TAOK3: variants seen among roughly 807,000 people sequenced by gnomAD.
The protein encoded by TAOK3 is serine/threonine-protein kinase TAO3.
A neutral mutation model predicts 120.4 loss-of-function variants in TAOK3; 40 were observed. The observed-to-expected ratio is 0.33, with a 90% CI of 0.26 to 0.43. The LOEUF (loss-of-function observed/expected upper bound fraction) is 0.43, where lower values mean the gene tolerates loss of function less well. Among genes scored for constraint, TAOK3 ranks in the 20% least tolerant of loss-of-function variants. The probability of loss-of-function intolerance (pLI) is 1.00; values close to 1 mark genes in which losing one functional copy is unlikely to be tolerated. For synonymous variants in TAOK3, 355 were observed against 387.5 expected (o/e 0.92, Z 0.99); for missense variants, 821 against 1,112.1 (o/e 0.74, Z 3.72).
intron 1 of TAOK3, among the ~76,000 whole-genome samples, chr12:118,321,663 A>T (rs1242948069): frequency 2.0e-5 from 3 of 152,198 alleles, no homozygotes; most frequent in African/African-American, 7.2e-5. Flanking sequence ...AGACATTTCA[A>T]AAAAAGAGAA....
At chr12:118,261,210 T>C (rs2041214508) in intron 2 of TAOK3, among the ~76,000 whole-genome samples, 1 of 152,112 alleles carries the variant, frequency 6.6e-6, no homozygotes, top group African/African-American at 2.4e-5. Context: ...CTACTGTATG[T>C]CTAAGTGGAG....
At chr12:118,174,540 A>C (rs538199997) in intron 16 of TAOK3, among the ~76,000 whole-genome samples, 21 of 152,302 alleles carry the variant, frequency 1.4e-4, no homozygotes, top group African/African-American at 5.1e-4. Context: ...GGTAGAGTTC[A>C]TGAAATTTCC....
At chr12:118,310,683 A>G (rs1185268922) in intron 1 of TAOK3, among the ~76,000 whole-genome samples, 1 of 152,200 alleles carries the variant, frequency 6.6e-6, no homozygotes, top group African/African-American at 2.4e-5. Flanking sequence ...AATTTATTAA[A>G]TGTTTATAAT....
chr12:118,319,471 A>C (rs189601102), intron 1 of TAOK3, among the ~76,000 whole-genome samples: 25 of 152,282 alleles, frequency 1.6e-4, no homozygotes, highest in African/African-American at 6.0e-4. Flanking sequence ...AAGAACTGCT[A>C]TAACTTAACA....
At chr12:118,240,425 C>T (rs577160284) in intron 5 of TAOK3, among the ~76,000 whole-genome samples, 5 of 152,078 alleles carry the variant, frequency 3.3e-5, no homozygotes, top group Admixed American at 2.6e-4. Flanking sequence ...GTGATCTGCC[C>T]GCCTCAGCCT....
At chr12:118,271,894 C>T (rs2041713446) in intron 1 of TAOK3, among the ~76,000 whole-genome samples, 1 of 152,132 alleles carries the variant, frequency 6.6e-6, no homozygotes, top group South Asian at 2.1e-4. Context: ...TTCCCTCTTC[C>T]TTAACCTCCT....
At chr12:118,156,272 A>G (rs1269885203) in intron 19 of TAOK3, among the ~76,000 whole-genome samples, 2 of 152,070 alleles carry the variant, frequency 1.3e-5, no homozygotes, top group Non-Finnish European at 2.9e-5. Context: ...GTGGCCTGTT[A>G]CCTGACCTTC....
chr12:118,356,595 C>T (rs964885860), intron 1 of TAOK3, among the ~76,000 whole-genome samples: 4 of 151,722 alleles, frequency 2.6e-5, no homozygotes, highest in Non-Finnish European at 5.9e-5. Flanking sequence ...CAACAATGCC[C>T]GGCCTCAATT....
chr12:118,325,951 A>G (rs1455871752), intron 1 of TAOK3, among the ~76,000 whole-genome samples: 1 of 152,176 alleles, frequency 6.6e-6, no homozygotes, highest in Non-Finnish European at 1.5e-5. Flanking sequence ...AAATGCTAGC[A>G]CAACAAGCGT....
At chr12:118,166,837 C>CACACACAT (rs1555210480) in intron 17 of TAOK3, among the ~76,000 whole-genome samples, 132 of 133,064 alleles carry the variant, frequency 9.9e-4, no homozygotes, top group African/African-American at 3.2e-3. Flanking sequence ...TACACACACA[C>CACACACAT]ACACACACAT....
chr12:118,356,183 A>G (rs1190618469), intron 1 of TAOK3, among the ~76,000 whole-genome samples: 1 of 152,070 alleles, frequency 6.6e-6, no homozygotes, highest in African/African-American at 2.4e-5. Flanking sequence ...AGAATGGGAC[A>G]CTACTATGCA....
intron 17 of TAOK3, among the ~76,000 whole-genome samples, chr12:118,166,234 A>T (rs1028659614): frequency 3.9e-5 from 6 of 152,200 alleles, no homozygotes; most frequent in Non-Finnish European, 7.3e-5. Context: ...AGCATTTTCC[A>T]TTAGAAATGT....
intron 15 of TAOK3, among the ~76,000 whole-genome samples, chr12:118,180,070 T>C (rs1436426755): frequency 7.4e-6 from 1 of 135,540 alleles, no homozygotes. Flanking sequence ...GCCTCAGCCT[T>C]CTGAGTAGCT....
chr12:118,313,964 T>C (rs2043354812), intron 1 of TAOK3, among the ~76,000 whole-genome samples: 1 of 152,168 alleles, frequency 6.6e-6, no homozygotes. Flanking sequence ...TGCCTTTCTC[T>C]GGAAGTAATA....
At chr12:118,331,816 C>G (rs1473568145) in intron 1 of TAOK3, among the ~76,000 whole-genome samples, 1 of 150,794 alleles carries the variant, frequency 6.6e-6, no homozygotes, top group Non-Finnish European at 1.5e-5. Flanking sequence ...TATCACATTA[C>G]AAATACATGA....
chr12:118,289,318 GAAAAC>G (rs1165275860), intron 1 of TAOK3, among the ~76,000 whole-genome samples: 3 of 101,728 alleles, frequency 2.9e-5, no homozygotes, highest in South Asian at 6.8e-4. Context: ...AAAAAAAAAA[GAAAAC>G]AAAAGTGTTA....
intron 11 of TAOK3, among the ~76,000 whole-genome samples, chr12:118,209,587 T>C (rs1363067965): frequency 6.6e-6 from 1 of 152,086 alleles, no homozygotes. Flanking sequence ...TTAGTAGAAA[T>C]GGGGTTTCTA....
intron 14 of TAOK3, among the ~76,000 whole-genome samples, chr12:118,185,444 G>A (rs11068865): frequency 0.032 from 4,845 of 152,124 alleles, 253 homozygotes; most frequent in East Asian, 0.23. Flanking sequence ...ACCCTCTTAA[G>A]AGATCAAAGC....
chr12:118,165,511 C>A (rs1398880935), intron 17 of TAOK3, among the ~76,000 whole-genome samples: 1 of 152,238 alleles, frequency 6.6e-6, no homozygotes, highest in Non-Finnish European at 1.5e-5. Context: ...ATACCTACAT[C>A]CGAATTACCT....
Sources: allele counts gnomAD v4.1 joint callset (sites outside exome capture counted in the v4.1 genomes callset), GRCh38; gene constraint gnomAD v4.1.1; transcripts MANE v1.5; gene names NCBI Gene and HGNC (gene_info 2026-07-23, HGNC 2026-07-21).